Variants in FRMD4A observed in about 807,000 individuals in gnomAD.
The protein encoded by FRMD4A is FERM domain-containing protein 4A.
Under a neutral mutation model 129.1 loss-of-function variants are expected in FRMD4A, and 29 were observed. The ratio of observed to expected loss-of-function variants is 0.22; its 90% CI spans 0.17 to 0.31. The LOEUF is 0.31. FRMD4A is among the 10% of genes least tolerant of loss of function. FRMD4A has a pLI of 1.00. For synonymous variants in FRMD4A, 634 were observed against 571.6 expected (o/e 1.11, Z -1.56); for missense variants, 1,272 against 1,375.8 (o/e 0.92, Z 1.19).
At chr10:13,944,936 G>T (rs2095320990) in intron 2 of FRMD4A, among the ~76,000 whole-genome samples, 2 of 152,186 alleles carry the variant, frequency 1.3e-5, no homozygotes, top group Non-Finnish European at 2.9e-5. Context: ...TCTTCATGGG[G>T]AGTTCAGTGT....
intron 3 of FRMD4A, among the ~76,000 whole-genome samples, chr10:13,818,550 A>G (rs1020462318): frequency 2.0e-5 from 3 of 152,148 alleles, no homozygotes; most frequent in African/African-American, 7.2e-5. Context: ...TTATTCACCC[A>G]TTCGAAAAAA....
chr10:13,756,171 A>G (rs1443169041), intron 8 of FRMD4A: 2 of 152,212 alleles, frequency 1.3e-5, no homozygotes, highest in Non-Finnish European at 2.9e-5. Context: ...ACACAGCTTT[A>G]CTGATCTGGT....
At chr10:14,135,247 T>C (rs1250750888) in intron 2 of FRMD4A, among the ~76,000 whole-genome samples, 1 of 152,200 alleles carries the variant, frequency 6.6e-6, no homozygotes, top group Non-Finnish European at 1.5e-5. Flanking sequence ...CCTAGCTTAA[T>C]AGTCAAACAA....
chr10:13,891,224 G>T (rs1264709111), intron 2 of FRMD4A, among the ~76,000 whole-genome samples: 1 of 152,050 alleles, frequency 6.6e-6, no homozygotes, highest in African/African-American at 2.4e-5. Context: ...TCGGCTGCTG[G>T]CCCCCGCCAC....
chr10:13,729,444 A>ACTCGGCAGAACGTC (rs1405981757), intron 12 of FRMD4A: 46 of 152,286 alleles, frequency 3.0e-4, no homozygotes, highest in East Asian at 1.9e-4. Flanking sequence ...GGCAGAACGT[A>ACTCGGCAGAACGTC]CACCGCACCG....
rs188775334 is a variant in FRMD4A at position 13,838,518 on chromosome 10, A to T, written c.111+20329T>A. ...TCCCTCCCTTTTTTTTTTGAGATTG[A>T]GTCTCGCTCTGTTGCCCAGGCTGGA... is the stretch of plus-strand genomic sequence containing the variant. On this transcript the variant is annotated intron_variant, in intron 3 of 24. Transcript: ENST00000357447. 3.3e-3 allele frequency among the ~76,000 whole-genome samples: 466 copies of T among 140,708 alleles called. 4 individuals carry two copies. The highest frequency in any genetic ancestry group is 0.012 in the African/African-American group (448 of 37,794). The allele number at this position is 140,708 out of a possible 152,430, so 92.3% of individuals were successfully genotyped here. A position where few individuals can be genotyped will look rare whatever the true frequency, so the allele number is the denominator to read the frequency against.
intron 9 of FRMD4A, among the ~76,000 whole-genome samples, 181 bp downstream of exon 9, chr10:13,747,555 A>AAAATAAAT (rs1207513941): frequency 2.6e-5 from 4 of 151,744 alleles, no homozygotes; most frequent in Non-Finnish European, 2.9e-5. Context: ...AATTATTTTA[A>AAAATAAAT]AAATAAATAA....
intron 2 of FRMD4A, among the ~76,000 whole-genome samples, chr10:13,879,954 T>C (rs1477669108): frequency 6.6e-6 from 1 of 151,954 alleles, no homozygotes; most frequent in Admixed American, 6.6e-5. Context: ...CTGTTTTTCA[T>C]ACATTATATT....
intron 2 of FRMD4A, among the ~76,000 whole-genome samples, chr10:13,907,724 G>A (rs2094897040): frequency 6.6e-6 from 1 of 152,120 alleles, no homozygotes; most frequent in Non-Finnish European, 1.5e-5. Flanking sequence ...TTCACTGAGA[G>A]CTGTCACCTG....
At chr10:13,758,590 G>T (rs1338764883) in intron 8 of FRMD4A, among the ~76,000 whole-genome samples, 4 of 152,320 alleles carry the variant, frequency 2.6e-5, no homozygotes, top group East Asian at 1.9e-4. Flanking sequence ...CTAGGAGAAG[G>T]GGGTGGAGCC....
At chr10:13,773,254 T>C (rs1052011029) in intron 6 of FRMD4A, among the ~76,000 whole-genome samples, 6 of 152,068 alleles carry the variant, frequency 3.9e-5, no homozygotes, top group Non-Finnish European at 7.4e-5. Context: ...ACACCGTGAG[T>C]CATAAAACCC....
At chr10:14,193,802 C>T (rs1460229243) in intron 2 of FRMD4A, among the ~76,000 whole-genome samples, 1 of 152,074 alleles carries the variant, frequency 6.6e-6, no homozygotes, top group Non-Finnish European at 1.5e-5. Context: ...GACACTGGCA[C>T]ACTTCTTAGT....
intron 2 of FRMD4A, among the ~76,000 whole-genome samples, chr10:14,061,167 G>A (rs1021266759): frequency 2.0e-5 from 3 of 152,124 alleles, no homozygotes; most frequent in Non-Finnish European, 2.9e-5. Context: ...GCACATTTAG[G>A]CCGGGCGTAG....
At chr10:13,954,985 G>A (rs1031465234) in intron 2 of FRMD4A, among the ~76,000 whole-genome samples, 1 of 152,046 alleles carries the variant, frequency 6.6e-6, no homozygotes, top group African/African-American at 2.4e-5. Context: ...TTTTAGCCAT[G>A]GACACAATTT....
intron 2 of FRMD4A, among the ~76,000 whole-genome samples, chr10:13,975,837 A>T (rs2095540432): frequency 6.6e-6 from 1 of 152,194 alleles, no homozygotes; most frequent in Admixed American, 6.5e-5. Flanking sequence ...GACCTCCTGC[A>T]CACTGTGACG....
At chr10:13,649,583 A>G (rs957482904) in intron 24 of FRMD4A, 1 of 152,214 alleles carries the variant, frequency 6.6e-6, no homozygotes, top group Non-Finnish European at 1.5e-5. Context: ...TATTTTTTCC[A>G]AACTTGCGAT....
chr10:13,669,069 T>G (rs2083298534), intron 17 of FRMD4A, among the ~76,000 whole-genome samples: 1 of 146,696 alleles, frequency 6.8e-6, no homozygotes. Flanking sequence ...TTTTTTTTTT[T>G]TTTTTTTTTT....
At chr10:14,052,645 G>A (rs578096781) in intron 2 of FRMD4A, among the ~76,000 whole-genome samples, 1 of 152,134 alleles carries the variant, frequency 6.6e-6, no homozygotes, top group Admixed American at 6.5e-5. Context: ...TGCAACCTCC[G>A]CCTCCCAGGT....
At chr10:14,142,016 T>A (rs903844777) in intron 2 of FRMD4A, among the ~76,000 whole-genome samples, 1 of 152,116 alleles carries the variant, frequency 6.6e-6, no homozygotes, top group South Asian at 2.1e-4. Flanking sequence ...GAAAGATTCA[T>A]GAGAAAGGCA....
Sources: gnomAD v4.1 joint callset for allele counts (sites outside exome capture counted in the v4.1 genomes callset) on GRCh38, gnomAD v4.1.1 for gene constraint, MANE v1.5 for transcripts, NCBI Gene and HGNC (gene_info 2026-07-23, HGNC 2026-07-21) for gene names.